The following SMYD3 variants were observed in gnomAD, a reference collection of about 807,000 sequenced individuals.
The protein encoded by SMYD3 is histone-lysine N-methyltransferase SMYD3.
In SMYD3, 36 loss-of-function variants were observed where a neutral mutation model predicts 57.7. That is an observed-to-expected ratio of 0.62 (90% CI 0.48 to 0.82). SMYD3 has a LOEUF of 0.82. SMYD3 is among the 40% of genes least tolerant of loss of function. The pLI, the probability that SMYD3 is intolerant of heterozygous loss-of-function variation, is 0.00. For missense variants in SMYD3, 515 were observed against 538.8 expected (o/e 0.96, Z 0.44); for synonymous variants, 211 against 195.0 (o/e 1.08, Z -0.68).
At chr1:246,320,094 G>T (rs1462466465) in intron 5 of SMYD3, among the ~76,000 whole-genome samples, 1 of 151,600 alleles carries the variant, frequency 6.6e-6, no homozygotes, top group African/African-American at 2.4e-5. Context: ...ATTTCTTATC[G>T]TATTGTGAAT....
chr1:245,957,040 T>G (rs182301162), intron 5 of SMYD3, among the ~76,000 whole-genome samples: 40 of 152,312 alleles, frequency 2.6e-4, no homozygotes, highest in Non-Finnish European at 5.1e-4. Context: ...CCAGTGAAGA[T>G]GCAATGTAAG....
In SMYD3 at chr1:245,950,873, G is replaced by A. The variant is rs1016858435; in HGVS notation, c.532-20936C>T. Reference sequence around the variant, plus strand: ...ACATTTCTTTTTCACCTATCACACCGCTCTCTCTAAATAACAGAGTAAAAA... The same window carrying A: ...ACATTTCTTTTTCACCTATCACACCACTCTCTCTAAATAACAGAGTAAAAA... On this transcript the variant is annotated intron_variant, in intron 5 of 11. Transcript: ENST00000490107. 1.5e-4 allele frequency among the ~76,000 whole-genome samples: 23 copies of A among 152,210 alleles called. No individual in the cohort carries two copies. In the South Asian group the frequency reaches 1.7e-3, roughly 11 times the overall value.
intron 4 of SMYD3, among the ~76,000 whole-genome samples, chr1:246,329,147 A>G (rs1190690921): frequency 6.6e-6 from 1 of 152,194 alleles, no homozygotes; most frequent in African/African-American, 2.4e-5. Context: ...GCCACAATAA[A>G]CATACGTGTG....
At chr1:246,436,265 TAAAC>T (rs1223732830) in intron 1 of SMYD3, among the ~76,000 whole-genome samples, 1 of 151,300 alleles carries the variant, frequency 6.6e-6, no homozygotes, top group Non-Finnish European at 1.5e-5. Context: ...AACATGGACT[TAAAC>T]AAAAAAAGAA....
intron 5 of SMYD3, among the ~76,000 whole-genome samples, chr1:246,068,855 C>G (rs2060394394): frequency 6.6e-6 from 1 of 152,142 alleles, no homozygotes; most frequent in Non-Finnish European, 1.5e-5. Flanking sequence ...CCAGAATTAC[C>G]AGTCATACCT....
chr1:246,189,177 C>G (rs2062694132), intron 5 of SMYD3: 1 of 152,164 alleles, frequency 6.6e-6, no homozygotes, highest in Non-Finnish European at 1.5e-5. Context: ...CTTCTAACTT[C>G]TTAAAGAGAA....
intron 5 of SMYD3, among the ~76,000 whole-genome samples, chr1:246,263,762 T>C (rs1021350641): frequency 6.6e-6 from 1 of 152,240 alleles, no homozygotes; most frequent in African/African-American, 2.4e-5. Flanking sequence ...TCCAAAGGCA[T>C]GATCAAACCT....
At chr1:245,918,841 T>C (rs1001283062) in intron 7 of SMYD3, among the ~76,000 whole-genome samples, 1 of 152,132 alleles carries the variant, frequency 6.6e-6, no homozygotes, top group African/African-American at 2.4e-5. Context: ...CAACTCCCAT[T>C]ATCAGAGCAG....
chr1:246,188,341 T>C (rs1216432420), intron 5 of SMYD3, among the ~76,000 whole-genome samples: 1 of 152,202 alleles, frequency 6.6e-6, no homozygotes, highest in East Asian at 1.9e-4. Flanking sequence ...CTGTGCAGTA[T>C]GGCCCCAGTT....
At chr1:246,048,346 G>A (rs540851829) in intron 5 of SMYD3, among the ~76,000 whole-genome samples, 87 of 152,184 alleles carry the variant, frequency 5.7e-4, no homozygotes, top group Middle Eastern at 3.4e-3. Flanking sequence ...TAAAATTCAC[G>A]TGGCCTTGAA....
At chr1:245,904,103 T>C (rs1208303339) in intron 8 of SMYD3, among the ~76,000 whole-genome samples, 3 of 152,210 alleles carry the variant, frequency 2.0e-5, no homozygotes, top group African/African-American at 7.2e-5. Flanking sequence ...GTGGGGATTA[T>C]GGGAAGTACA....
intron 5 of SMYD3, among the ~76,000 whole-genome samples, chr1:246,181,674 A>C (rs778323467): frequency 4.6e-5 from 7 of 151,022 alleles, no homozygotes; most frequent in Non-Finnish European, 1.0e-4. Flanking sequence ...GAATTATGAA[A>C]CAGACACATA....
chr1:245,956,863 A>G (rs936648392), intron 5 of SMYD3, among the ~76,000 whole-genome samples: 2 of 152,246 alleles, frequency 1.3e-5, no homozygotes, highest in African/African-American at 4.8e-5. Flanking sequence ...TGAACATTGC[A>G]TACCCATCTT....
chr1:245,839,061 G>A (rs10924352), intron 10 of SMYD3, among the ~76,000 whole-genome samples: 61,938 of 152,104 alleles, frequency 0.41, 14,532 homozygotes, highest in East Asian at 0.86. Context: ...GGCTTTCTGG[G>A]CGGTGAGCTC....
intron 3 of SMYD3, among the ~76,000 whole-genome samples, chr1:246,333,489 C>T (rs1164365190): frequency 9.2e-5 from 14 of 152,144 alleles, no homozygotes; most frequent in African/African-American, 2.2e-4. Context: ...AGAAAATATT[C>T]GCAAACTATG....
At chr1:245,982,575 T>G (rs747261374) in intron 5 of SMYD3, among the ~76,000 whole-genome samples, 28 of 152,340 alleles carry the variant, frequency 1.8e-4, no homozygotes, top group Non-Finnish European at 3.4e-4. Context: ...AATCTTAAAG[T>G]AACATTTTCT....
At chr1:245,950,595 T>C (rs1018273651) in intron 5 of SMYD3, among the ~76,000 whole-genome samples, 2 of 152,346 alleles carry the variant, frequency 1.3e-5, no homozygotes. Context: ...ACTTTCAGCG[T>C]CATAGTTCTT....
intron 5 of SMYD3, chr1:246,189,069 A>G (rs924247986): frequency 6.6e-6 from 1 of 152,128 alleles, no homozygotes; most frequent in Non-Finnish European, 1.5e-5. Context: ...GAGCCATACT[A>G]ATCTTCTCTG....
intron 5 of SMYD3, among the ~76,000 whole-genome samples, chr1:246,156,090 G>A (rs2062020144): frequency 6.6e-6 from 1 of 151,762 alleles, no homozygotes; most frequent in Non-Finnish European, 1.5e-5. Flanking sequence ...AGGTCTGGAA[G>A]TTTGACTTTG....
Sources: gnomAD v4.1 joint callset for allele counts (sites outside exome capture counted in the v4.1 genomes callset) on GRCh38, gnomAD v4.1.1 for gene constraint, MANE v1.5 for transcripts, NCBI Gene and HGNC (gene_info 2026-07-23, HGNC 2026-07-21) for gene names.